The following UGT1A8 variants were observed in gnomAD, a reference collection of about 807,000 sequenced individuals.
UGT1A8 encodes UDP-glucuronosyltransferase 1A8.
UGT1A8 carries 39 observed loss-of-function variants against 45.3 expected under a neutral mutation model. The observed-to-expected ratio is 0.86, with a 90% CI of 0.67 to 1.12. UGT1A8 has a LOEUF of 1.12. UGT1A8 is among the 50% of genes most tolerant of loss of function. The pLI is 0.00. For missense variants in UGT1A8, 719 were observed against 664.9 expected, an observed-to-expected ratio of 1.08 and a Z score of -0.90; for synonymous variants, 275 against 249.2, an observed-to-expected ratio of 1.10 and a Z score of -0.97.
At chr2:233,639,918 A>C (rs1182020700) in intron 1 of UGT1A8, among the ~76,000 whole-genome samples, 1 of 152,248 alleles carries the variant, frequency 6.6e-6, no homozygotes, top group Non-Finnish European at 1.5e-5. Context: ...TGAGAAAAAG[A>C]GGAAGTCACT....
intron 1 of UGT1A8, among the ~76,000 whole-genome samples, chr2:233,623,732 A>C (rs2073051421): frequency 6.6e-6 from 1 of 152,154 alleles, no homozygotes; most frequent in Non-Finnish European, 1.5e-5. Context: ...TCAGAAATAA[A>C]CCCATACGTT....
At chr2:233,733,359 G>T (rs892320976) in intron 1 of UGT1A8, among the ~76,000 whole-genome samples, 1 of 152,164 alleles carries the variant, frequency 6.6e-6, no homozygotes, top group Non-Finnish European at 1.5e-5. Flanking sequence ...AGTAGGAGTG[G>T]TGAGAGAGGT....
intron 1 of UGT1A8, among the ~76,000 whole-genome samples, chr2:233,628,825 G>A (rs1408774030): frequency 2.0e-5 from 3 of 151,982 alleles, no homozygotes; most frequent in South Asian, 2.1e-4. Flanking sequence ...ATCACAAATC[G>A]ATTTTGGATT....
intron 1 of UGT1A8, among the ~76,000 whole-genome samples, chr2:233,741,104 C>CA (rs1259061877): frequency 6.6e-6 from 1 of 151,798 alleles, no homozygotes; most frequent in South Asian, 2.1e-4. Context: ...AACAGACAAT[C>CA]AAGCTTTACA....
chr2:233,647,651 A>C (rs28969988), intron 1 of UGT1A8, among the ~76,000 whole-genome samples: 1 of 152,190 alleles, frequency 6.6e-6, no homozygotes, highest in Non-Finnish European at 1.5e-5. Flanking sequence ...TGTCCATTCC[A>C]TCTAAGTTGT....
At chr2:233,665,154 A>G (rs2074047167) in intron 1 of UGT1A8, among the ~76,000 whole-genome samples, 1 of 152,160 alleles carries the variant, frequency 6.6e-6, no homozygotes, top group Non-Finnish European at 1.5e-5. Context: ...TGCATTTTTC[A>G]TTTGCCAATA....
chr2:233,680,823 T>C (rs1329053042), intron 1 of UGT1A8, among the ~76,000 whole-genome samples: 2 of 152,102 alleles, frequency 1.3e-5, no homozygotes, highest in African/African-American at 4.8e-5. Flanking sequence ...CTGTTCAGAA[T>C]GCAGAAGCAG....
chr2:233,654,648 A>G (rs2073815466), intron 1 of UGT1A8, among the ~76,000 whole-genome samples: 1 of 152,266 alleles, frequency 6.6e-6, no homozygotes, highest in African/African-American at 2.4e-5. Flanking sequence ...GCTTGGCGAC[A>G]TAGCAACACC....
intron 1 of UGT1A8, among the ~76,000 whole-genome samples, chr2:233,703,526 A>G (rs1380988248): frequency 1.3e-5 from 2 of 151,996 alleles, no homozygotes; most frequent in Non-Finnish European, 2.9e-5. Context: ...GACACTTATC[A>G]TTACACAATT....
At chr2:233,758,491 A>G (rs953417996) in intron 1 of UGT1A8, among the ~76,000 whole-genome samples, 5 of 152,260 alleles carry the variant, frequency 3.3e-5, no homozygotes, top group African/African-American at 1.2e-4. Context: ...TGTGAATTTC[A>G]GAATTTCTAA....
intron 1 of UGT1A8, among the ~76,000 whole-genome samples, chr2:233,630,504 G>C (rs113781068): frequency 0.042 from 6,426 of 152,212 alleles, 160 homozygotes; most frequent in Non-Finnish European, 0.061. Context: ...TTGTCTGTTT[G>C]GATTGCTGTA....
rs62191902 is a variant in UGT1A8, at chr2:233,724,813, C to G, written c.856-42221C>G. On this transcript the variant is annotated intron_variant, in intron 1 of 4. Coordinates refer to ENST00000373450, the MANE Select transcript of UGT1A8 (RefSeq NM_019076.5). ...AGACGGGGTGGCGGCCGGGCAGAGG[C>G]TGCAATCTCGGCACTTTGGGAGGCC... Among the ~76,000 whole-genome samples, 218 of 137,754 alleles carry G rather than the reference C, an allele frequency of 1.6e-3. 8 individuals carry two copies. The highest frequency in any genetic ancestry group is 2.4e-3 in the Non-Finnish European group (154 of 64,732). 90.4% of individuals were successfully genotyped at this position (137,754 alleles called of 152,430 possible).
At position 233,618,335 on chromosome 2, in the gene UGT1A8, C is replaced by T. The variant is rs377565867; in HGVS notation, c.628C>T (p.His210Tyr). The T allele has an allele frequency of 1.2e-6, 2 of 1,613,876 alleles. No individual in the cohort carries two copies. The highest frequency in any genetic ancestry group is 1.7e-5 in the Admixed American group (1 of 60,006). Residue 210 changes from histidine (H) to tyrosine (Y), a missense_variant, in exon 1 of 5, where the codon CAC becomes TAC. Transcript: ENST00000373450. The part of the protein sequence containing the change: ...AMTFKERVRN[H>Y]IMHLEEHLFC... ...GACTTTCAAGGAGAGAGTACGGAACCACATCATGCACTTGGAGGAACATTT... is the reference window on the plus strand; with the variant it reads ...GACTTTCAAGGAGAGAGTACGGAACTACATCATGCACTTGGAGGAACATTT...
Position 233,716,253 on chromosome 2 carries a change from C to T in UGT1A8, c.856-50781C>T, listed in dbSNP as rs28948390. On this transcript the variant is annotated intron_variant, in intron 1 of 4. Transcript: ENST00000373450. Reference sequence around the variant, plus strand: ...TACATTGTCCTGCCCGGACATCCAGCATAATCTCCCCATGTCAAAACCCTT... The same window carrying T: ...TACATTGTCCTGCCCGGACATCCAGTATAATCTCCCCATGTCAAAACCCTT... Among the ~76,000 whole-genome samples the T allele has an allele frequency of 8.7e-3, 1,327 of 152,306 alleles. 20 individuals are homozygous for T. Among genetic ancestry groups the T allele is most frequent in the African/African-American group, 0.03 (1,235 of 41,562 alleles).
intron 1 of UGT1A8, among the ~76,000 whole-genome samples, chr2:233,676,146 G>A (rs953498124): frequency 2.6e-5 from 4 of 152,110 alleles, no homozygotes; most frequent in East Asian, 1.9e-4. Context: ...GAGCTCCAGC[G>A]TCAGACTCCA....
intron 1 of UGT1A8, chr2:233,719,180 A>G (rs778527211): frequency 1.6e-5 from 26 of 1,614,056 alleles, no homozygotes; most frequent in Admixed American, 1.3e-4. Flanking sequence ...TGAACAATGT[A>G]TCTTTGGCCC....
At chr2:233,718,649 C>T (rs1013351620) in intron 1 of UGT1A8, 54 of 1,503,054 alleles carry the variant, frequency 3.6e-5, no homozygotes, top group Middle Eastern at 2.4e-4. Context: ...GGGCCCATAA[C>T]GAAAGGCAGT....
At chr2:233,634,091 T>C (rs1283654632) in intron 1 of UGT1A8, among the ~76,000 whole-genome samples, 3 of 152,218 alleles carry the variant, frequency 2.0e-5, no homozygotes, top group Non-Finnish European at 4.4e-5. Context: ...ATGAGCAGGT[T>C]GTTCAGTTTC....
At chr2:233,724,292 C>T (rs1379070155) in intron 1 of UGT1A8, among the ~76,000 whole-genome samples, 3 of 129,054 alleles carry the variant, frequency 2.3e-5, no homozygotes, top group African/African-American at 9.1e-5. Context: ...GGGGGGCTGA[C>T]CCCCCCACCT....
Sources: allele counts gnomAD v4.1 joint callset (sites outside exome capture counted in the v4.1 genomes callset), GRCh38; gene constraint gnomAD v4.1.1; transcripts MANE v1.5; gene names NCBI Gene and HGNC (gene_info 2026-07-23, HGNC 2026-07-21).